The following CD109 variants were observed in gnomAD, a reference collection of about 807,000 sequenced individuals.
CD109 encodes CD109 molecule.
Under a neutral mutation model 165.8 loss-of-function variants are expected in CD109, and 149 were observed. The observed-to-expected ratio is 0.90, with a 90% confidence interval of 0.79 to 1.03. The LOEUF (loss-of-function observed/expected upper bound fraction) is 1.03. Ranked by LOEUF, CD109 falls within the 50% of genes least tolerant of loss-of-function variation. The pLI, the probability that CD109 is intolerant of heterozygous loss-of-function variation, is 0.00. For synonymous variants in CD109, 585 were observed against 592.1 expected (o/e 0.99, Z 0.18); for missense variants, 1,712 against 1,677.8 (o/e 1.02, Z -0.36).
chr6:73,810,481 G>A (rs1315204056), intron 27 of CD109, among the ~76,000 whole-genome samples: 2 of 151,684 alleles, frequency 1.3e-5, no homozygotes, highest in Non-Finnish European at 2.9e-5. Context: ...CTTTTCATCT[G>A]TGGTAACTGA....
chr6:73,744,890 A>ATACTGAT (rs1182098015), intron 5 of CD109, among the ~76,000 whole-genome samples: 1 of 152,182 alleles, frequency 6.6e-6, no homozygotes, highest in Non-Finnish European at 1.5e-5. Flanking sequence ...TAGCATCATC[A>ATACTGAT]GTACATAGGA....
intron 10 of CD109, among the ~76,000 whole-genome samples, chr6:73,764,815 T>C (rs1308724127): frequency 8.1e-6 from 1 of 123,092 alleles, no homozygotes; most frequent in African/African-American, 3.4e-5. Flanking sequence ...GAACTCCATT[T>C]CAAAAAAAAA....
intron 15 of CD109, among the ~76,000 whole-genome samples, chr6:73,779,530 G>A (rs1250733979): frequency 1.3e-5 from 2 of 152,058 alleles, no homozygotes; most frequent in Non-Finnish European, 2.9e-5. Flanking sequence ...TTACAGGTGT[G>A]AGCCACCGCA....
Position 73,730,557 on chromosome 6 carries a change from T to G in CD109, c.490T>G (p.Leu164Val). 3 of 1,609,756 alleles carry G rather than the reference T, an allele frequency of 1.9e-6. 1 individual carries two copies. In the South Asian group the frequency reaches 3.3e-5, roughly 18 times the overall value. The part of the protein sequence containing the change: ...FSDFKPYKTS[L>V]NILIKDPKSN... ...AGATTTTAAGCCTTACAAAACCTCT[T>G]TAAACATTCTCATTAAGGTAAGTGC... Residue 164 changes from leucine (L) to valine (V), a missense_variant, in exon 4 of 33, where the codon TTA (leucine) becomes GTA (valine). Transcript: ENST00000287097.
intron 4 of CD109, among the ~76,000 whole-genome samples, chr6:73,735,960 G>A (rs1236823598): frequency 3.9e-5 from 6 of 152,174 alleles, no homozygotes; most frequent in Non-Finnish European, 8.8e-5. Context: ...GGGGTTTGGT[G>A]ACGTACATGT....
chr6:73,805,697 C>T (rs374772865), intron 24 of CD109, among the ~76,000 whole-genome samples: 9 of 152,240 alleles, frequency 5.9e-5, no homozygotes, highest in South Asian at 2.1e-4. Flanking sequence ...TGCAGCCTTC[C>T]GCAGTGTTTG....
At chr6:73,699,322 A>G (rs1320928174) in intron 2 of CD109, among the ~76,000 whole-genome samples, 1 of 152,206 alleles carries the variant, frequency 6.6e-6, no homozygotes, top group East Asian at 1.9e-4. Context: ...CATTTTACCT[A>G]TATAACAAAC....
chr6:73,720,405 A>G (rs988811000), intron 2 of CD109, among the ~76,000 whole-genome samples: 1 of 152,210 alleles, frequency 6.6e-6, no homozygotes, highest in Non-Finnish European at 1.5e-5. Flanking sequence ...TTTCAGTTAT[A>G]CGGGAGGAAT....
At chr6:73,727,235 G>C (rs1736235463) in intron 3 of CD109, among the ~76,000 whole-genome samples, 1 of 152,032 alleles carries the variant, frequency 6.6e-6, no homozygotes, top group South Asian at 2.1e-4. Context: ...GGAGCACCGA[G>C]GTCTGCATTG....
Position 73,730,691 on chromosome 6 carries a change from C to G in CD109, c.507+117C>G, listed in dbSNP as rs184412437. The G allele has an allele frequency of 5.9e-6, 4 of 679,814 alleles. No homozygotes were observed. The Admixed American group carries it at 1.1e-4, about 19-fold the overall frequency. 42.1% of individuals were successfully genotyped at this position (679,814 alleles called of 1,614,324 possible). ...TTTAGAATTCACCTAAGATAAGCTT[C>G]CCTCCCAACATGGAACTCCTCTAAT... is the stretch of plus-strand genomic sequence containing the variant. On this transcript the variant is annotated intron_variant, in intron 4 of 32. Transcript: ENST00000287097.
chr6:73,709,369 T>C (rs905834088), intron 2 of CD109, among the ~76,000 whole-genome samples: 3 of 152,222 alleles, frequency 2.0e-5, no homozygotes, highest in East Asian at 3.8e-4. Flanking sequence ...TATCTCTGTT[T>C]TGGTACCAGT....
intron 15 of CD109, 71 bp downstream of exon 15, chr6:73,771,652 T>G (rs896571396): frequency 9.5e-7 from 1 of 1,048,362 alleles, no homozygotes; most frequent in African/African-American, 1.7e-5. Flanking sequence ...TTGTACTACT[T>G]TAAATATTTA....
chr6:73,695,697 CGTGTGT>C (rs369209299), upstream of CD109: 1 of 154,162 alleles, frequency 6.5e-6, no homozygotes, highest in Non-Finnish European at 1.4e-5. Context: ...CGTGTGCGTG[CGTGTGT>C]GTGTGCGTGT....
intron 7 of CD109, 78 bp downstream of exon 7, chr6:73,759,106 A>C (rs1773516971): frequency 1.2e-6 from 1 of 854,162 alleles, no homozygotes; most frequent in Non-Finnish European, 1.9e-6. Context: ...TATACTTCAG[A>C]ATATTAGGGC....
chr6:73,810,068 A>G lies in CD109; in HGVS notation c.3440A>G (p.Tyr1147Cys), dbSNP rs569373886. ...TCCCTGGATATTGAAGTTGCAGCCT[A>G]TGCACTGCTCTCACACTTCTTACAA... ...PRSLDIEVAA[Y>C]ALLSHFLQFQ... is the part of the protein sequence containing the mutation. The change falls in exon 27 of 33, where the codon TAT (tyrosine) becomes TGT (cysteine). Residue 1147 changes from tyrosine to cysteine, a missense_variant. Tyr to Cys is a radical substitution (Grantham distance 194, BLOSUM62 -2). Transcript: ENST00000287097. The G allele has an allele frequency of 6.8e-6, 11 of 1,610,054 alleles. No homozygotes were observed. In the African/African-American group the frequency reaches 1.3e-4, roughly 20 times the overall value.
chr6:73,682,864 C>T, the CD109 span, among the ~76,000 whole-genome samples: 10,071 of 151,662 alleles, frequency 0.066, 529 homozygotes, highest in Admixed American at 0.17. Flanking sequence ...TCTGAAACCA[C>T]GGCCCGAGCT....
Position 73,788,418 on chromosome 6 carries a change from G to A in CD109, c.2557-50G>A, listed in dbSNP as rs116841982. 302 of 1,551,576 alleles carry A rather than the reference G, an allele frequency of 1.9e-4. 1 individual carries two copies. In the East Asian group the frequency reaches 6.8e-3, roughly 35 times the overall value. On this transcript the variant is annotated intron_variant, in intron 21 of 32. Coordinates refer to ENST00000287097, the MANE Select transcript of CD109 (RefSeq NM_133493.5). ...TGCTCATATCTGCGTATAGTTCTCTGTAAACATGTGAGTAGAGACCATGTT... is the reference window on the plus strand; with the variant it reads ...TGCTCATATCTGCGTATAGTTCTCTATAAACATGTGAGTAGAGACCATGTT...
At chr6:73,765,862 A>G in intron 10 of CD109, 68 bp from the exon 11 acceptor site, 1 of 1,141,030 alleles carries the variant, frequency 8.8e-7, no homozygotes, top group Non-Finnish European at 1.3e-6. Context: ...AGAATACTAC[A>G]GACGGAAACT....
intron 32 of CD109, 123 bp downstream of exon 32, chr6:73,820,686 A>C (rs1776077584): frequency 1.1e-5 from 6 of 529,048 alleles, no homozygotes; most frequent in Admixed American, 3.8e-5. Flanking sequence ...GAGAAAGTAC[A>C]GGAGGCGGGG....
Sources: gnomAD v4.1 joint callset for allele counts (sites outside exome capture counted in the v4.1 genomes callset) on GRCh38, gnomAD v4.1.1 for gene constraint, MANE v1.5 for transcripts, NCBI Gene and HGNC (gene_info 2026-07-23, HGNC 2026-07-21) for gene names.